Variants in KANK1 observed in about 807,000 individuals in gnomAD.
KANK1 encodes the protein KN motif and ankyrin repeat domains 1, also known as KN motif and ankyrin repeat domain-containing protein 1.
KANK1 carries 109 observed loss-of-function variants against 106.2 expected under a neutral mutation model. That is an observed-to-expected ratio of 1.03 (90% CI 0.88 to 1.20). KANK1 has a LOEUF of 1.20. Among genes scored for constraint, KANK1 ranks in the 50% most tolerant of loss-of-function variants. The pLI, the probability that KANK1 is intolerant of heterozygous loss-of-function variation, is 0.00. For missense variants in KANK1, 2,399 were observed against 1,710.7 expected (o/e 1.40, Z -7.10); for synonymous variants, 873 against 652.2 (o/e 1.34, Z -5.16).
chr9:655,703 T>C (rs1841991962), intron 1 of KANK1, among the ~76,000 whole-genome samples: 1 of 152,202 alleles, frequency 6.6e-6, no homozygotes, highest in Non-Finnish European at 1.5e-5. Flanking sequence ...TTTTTATATA[T>C]TTTTACGTAG....
intron 2 of KANK1, among the ~76,000 whole-genome samples, chr9:703,496 C>G (rs566925759): frequency 6.6e-6 from 1 of 152,128 alleles, no homozygotes; most frequent in Non-Finnish European, 1.5e-5. Context: ...CAGGAGCAGT[C>G]TCCACCACTG....
At chr9:617,064 A>AT (rs925821766) in intron 1 of KANK1, among the ~76,000 whole-genome samples, 5 of 151,710 alleles carry the variant, frequency 3.3e-5, no homozygotes, top group East Asian at 3.9e-4. Context: ...AGAGAGAATA[A>AT]TTTTTTTTTA....
At chr9:693,375 A>G (rs1484665552) in intron 2 of KANK1, 1 of 985,164 alleles carries the variant, frequency 1.0e-6, no homozygotes, top group Admixed American at 6.2e-5. Flanking sequence ...GGAGTAAGTC[A>G]GCACAAACAA....
intron 1 of KANK1, among the ~76,000 whole-genome samples, chr9:508,706 G>A (rs2058890288): frequency 6.6e-6 from 1 of 150,920 alleles, no homozygotes; most frequent in African/African-American, 2.5e-5. Flanking sequence ...AGATTCAGCT[G>A]TGTTGTTGCT....
intron 1 of KANK1, among the ~76,000 whole-genome samples, chr9:617,234 GTTTC>G (rs1369077471): frequency 1.3e-5 from 2 of 151,912 alleles, no homozygotes; most frequent in Non-Finnish European, 2.9e-5. Flanking sequence ...CAGTGGTTTA[GTTTC>G]TTTAACAATC....
chr9:708,792 C>T (rs989057039), intron 2 of KANK1, among the ~76,000 whole-genome samples: 1 of 152,146 alleles, frequency 6.6e-6, no homozygotes, highest in Non-Finnish European at 1.5e-5. Context: ...TGATGGCTTA[C>T]ATTTTCACTC....
chr9:700,624 A>G (rs965552638), intron 2 of KANK1, among the ~76,000 whole-genome samples: 5 of 152,176 alleles, frequency 3.3e-5, no homozygotes, highest in African/African-American at 9.7e-5. Context: ...TAAATGTGGA[A>G]ATCTGTGATA....
chr9:671,514 G>C (rs185223134), intron 1 of KANK1, among the ~76,000 whole-genome samples: 183 of 6,112 alleles, frequency 0.03, 1 homozygote, highest in Middle Eastern at 0.25. Context: ...CGTGGTGGAG[G>C]CTGAGGCAGG....
intron 1 of KANK1, among the ~76,000 whole-genome samples, chr9:552,527 T>A (rs1434469955): frequency 1.3e-5 from 2 of 152,196 alleles, no homozygotes; most frequent in Non-Finnish European, 1.5e-5. Context: ...TTAAATATAA[T>A]ATGTTTTAAT....
chr9:576,424 G>T (rs1011068483), intron 1 of KANK1, among the ~76,000 whole-genome samples: 1 of 152,174 alleles, frequency 6.6e-6, no homozygotes, highest in Admixed American at 6.5e-5. Flanking sequence ...ACCAATATTT[G>T]CTCTGCTAGG....
intron 1 of KANK1, among the ~76,000 whole-genome samples, chr9:557,261 A>AAT (rs1466942355): frequency 2.0e-5 from 3 of 152,082 alleles, no homozygotes; most frequent in African/African-American, 7.2e-5. Context: ...GAAAAGATAT[A>AAT]TTGTTTTGGT....
intron 1 of KANK1, among the ~76,000 whole-genome samples, chr9:591,812 C>G (rs182338583): frequency 6.6e-6 from 1 of 151,638 alleles, no homozygotes; most frequent in Non-Finnish European, 1.5e-5. Flanking sequence ...GTGCCCACTA[C>G]GACGCCCAGC....
rs1042680194 is a variant in KANK1, at chr9:607,143, C to T, written c.-83-69747C>T. Among the ~76,000 whole-genome samples, 5 of 151,826 alleles carry T rather than the reference C, an allele frequency of 3.3e-5. No homozygotes were observed. In the East Asian group the frequency reaches 9.7e-4, roughly 29 times the overall value. On this transcript the variant is annotated intron_variant, in intron 1 of 11. Coordinates refer to ENST00000382297, the MANE Select transcript of KANK1 (RefSeq NM_015158.5). The stretch of plus-strand genomic sequence containing the variant: ...CAATTCCTTTGCATGCTTGTTAGGT[C>T]ATTCAGAGTGGCACTAAGGTAAACT...
chr9:621,369 T>G (rs1322563713), intron 1 of KANK1, among the ~76,000 whole-genome samples: 1 of 152,172 alleles, frequency 6.6e-6, no homozygotes, highest in African/African-American at 2.4e-5. Context: ...TCATATGCAC[T>G]GAGTCTGGTT....
chr9:537,105 A>G (rs1182875981), intron 1 of KANK1, among the ~76,000 whole-genome samples: 2 of 152,172 alleles, frequency 1.3e-5, no homozygotes, highest in African/African-American at 4.8e-5. Context: ...ACTAAAACTA[A>G]AACAACAGGA....
At chr9:675,124 G>A (rs533936966) in intron 1 of KANK1, among the ~76,000 whole-genome samples, 10 of 152,118 alleles carry the variant, frequency 6.6e-5, no homozygotes, top group Admixed American at 2.6e-4. Context: ...ACTTCTCATC[G>A]TTTAAATGTG....
chr9:529,576 A>G (rs1376347268), intron 1 of KANK1, among the ~76,000 whole-genome samples: 1 of 152,198 alleles, frequency 6.6e-6, no homozygotes, highest in Non-Finnish European at 1.5e-5. Context: ...TAGACTTCAT[A>G]TATTGTTATG....
chr9:615,189 G>T (rs1831511902), intron 1 of KANK1, among the ~76,000 whole-genome samples: 1 of 152,130 alleles, frequency 6.6e-6, no homozygotes, highest in Non-Finnish European at 1.5e-5. Flanking sequence ...TCCTGCATTG[G>T]CCTTCCAAAG....
chr9:731,142 C>G lies in KANK1; in HGVS notation c.2897-16C>G, dbSNP rs1329885055. 5 of 1,492,060 alleles carry G rather than the reference C, an allele frequency of 3.4e-6. No homozygotes were observed. Among genetic ancestry groups the G allele is most frequent in the Non-Finnish European group, 3.7e-6 (4 of 1,074,330 alleles). The allele number at this position is 1,492,060 out of a possible 1,614,324, so 92.4% of individuals were successfully genotyped here. On this transcript the variant is annotated splice_polypyrimidine_tract_variant and intron_variant, in intron 4 of 11. Coordinates refer to ENST00000382297, the MANE Select transcript of KANK1 (RefSeq NM_015158.5). Reference sequence around the variant, plus strand: ...GGGTGTGAGTTTTCATTTTTATTGCCTTGACTTTTTCACAGCATGTACAAA... The same window carrying G: ...GGGTGTGAGTTTTCATTTTTATTGCGTTGACTTTTTCACAGCATGTACAAA...
Sources: allele counts gnomAD v4.1 joint callset (sites outside exome capture counted in the v4.1 genomes callset), GRCh38; gene constraint gnomAD v4.1.1; transcripts MANE v1.5; gene names NCBI Gene and HGNC (gene_info 2026-07-23, HGNC 2026-07-21).